MCUB: variants seen among roughly 807,000 people sequenced by gnomAD.
MCUB encodes the protein calcium uniporter regulatory subunit MCUb, mitochondrial.
MCUB carries 46 observed loss-of-function variants against 41.4 expected under a neutral mutation model. The ratio of observed to expected loss-of-function variants is 1.11; its 90% CI spans 0.88 to 1.42. The LOEUF is 1.42. Ranked by LOEUF, MCUB falls within the 40% of genes most tolerant of loss-of-function variation. The pLI, the probability that MCUB is intolerant of heterozygous loss-of-function variation, is 0.00. For synonymous variants in MCUB, 148 were observed against 148.2 expected, an observed-to-expected ratio of 1.00 and a Z score of 0.01; for missense variants, 403 against 404.9, an observed-to-expected ratio of 1.00 and a Z score of 0.04.
Position 109,609,848 on chromosome 4 carries a change from C to T in MCUB, c.100-49163C>T, listed in dbSNP as rs117001403. ...TGGCAAGGCCAGCCAGGCTTCTGTC[C>T]TTCCTTTCAGTGCAGTGAGTTCCCC... On this transcript the variant is annotated intron_variant, in intron 1 of 7. Coordinates refer to ENST00000394650, the MANE Select transcript of MCUB (RefSeq NM_017918.5). Among the ~76,000 whole-genome samples, 606 of 152,316 alleles carry T rather than the reference C, an allele frequency of 4.0e-3. 5 individuals are homozygous for T. Among genetic ancestry groups the T allele is most frequent in the Middle Eastern group, 0.037 (11 of 294 alleles).
chr4:109,679,167 G>A (rs1446215810), intron 4 of MCUB, among the ~76,000 whole-genome samples: 3 of 151,778 alleles, frequency 2.0e-5, no homozygotes, highest in African/African-American at 7.3e-5. Flanking sequence ...TCCCAGACGG[G>A]GCAGCTGGGC....
chr4:109,567,652 AAAGT>A (rs1443102022), intron 1 of MCUB, among the ~76,000 whole-genome samples: 1 of 151,938 alleles, frequency 6.6e-6, no homozygotes, highest in African/African-American at 2.4e-5. Flanking sequence ...AAAAACAAAC[AAAGT>A]GTTTGTTTCC....
intron 1 of MCUB, among the ~76,000 whole-genome samples, chr4:109,574,020 G>A (rs765144320): frequency 5.9e-5 from 9 of 151,486 alleles, no homozygotes; most frequent in Admixed American, 2.6e-4. Context: ...TTACAGGCGC[G>A]CCACCACCAT....
In MCUB at chr4:109,644,977, C is replaced by CA. The variant is rs139191386; in HGVS notation, c.100-14031dup. 2.7e-4 allele frequency among the ~76,000 whole-genome samples: 41 copies of CA among 152,204 alleles called. No individual in the cohort carries two copies. In the East Asian group the frequency reaches 4.4e-3, roughly 16 times the overall value. On this transcript the variant is annotated intron_variant, in intron 1 of 7. Coordinates refer to ENST00000394650, the MANE Select transcript of MCUB (RefSeq NM_017918.5). The stretch of plus-strand genomic sequence containing the variant: ...AGCATATCTTTAGAAGGTTTGGACT[C>CA]AAACAATAACACACACTTCGGCATT...
chr4:109,675,478 G>A (rs1729551930), intron 4 of MCUB, among the ~76,000 whole-genome samples: 1 of 152,170 alleles, frequency 6.6e-6, no homozygotes, highest in African/African-American at 2.4e-5. Flanking sequence ...CACATCATTT[G>A]GATGACAACT....
At chr4:109,580,650 A>G (rs532833372) in intron 1 of MCUB, among the ~76,000 whole-genome samples, 1 of 152,138 alleles carries the variant, frequency 6.6e-6, no homozygotes, top group South Asian at 2.1e-4. Flanking sequence ...GCATTTTTTC[A>G]TGTGTCTGTT....
chr4:109,575,744 T>C (rs115681188), intron 1 of MCUB, among the ~76,000 whole-genome samples: 2,510 of 152,324 alleles, frequency 0.016, 72 homozygotes, highest in African/African-American at 0.057. Flanking sequence ...AGTTATCCCA[T>C]TTATGTAAGG....
At chr4:109,576,703 A>C (rs1727038722) in intron 1 of MCUB, among the ~76,000 whole-genome samples, 1 of 152,236 alleles carries the variant, frequency 6.6e-6, no homozygotes, top group Admixed American at 6.5e-5. Flanking sequence ...AAGTTTATAC[A>C]CAAAGGATGA....
intron 1 of MCUB, among the ~76,000 whole-genome samples, chr4:109,602,127 A>G (rs973130606): frequency 2.0e-5 from 3 of 152,214 alleles, no homozygotes; most frequent in African/African-American, 7.2e-5. Flanking sequence ...ATCCCTTGTC[A>G]GATGGGTAGT....
At chr4:109,597,289 T>C (rs1267727378) in intron 1 of MCUB, among the ~76,000 whole-genome samples, 1 of 151,926 alleles carries the variant, frequency 6.6e-6, no homozygotes, top group Non-Finnish European at 1.5e-5. Context: ...GAGGGGCTCC[T>C]CACTTCCCAG....
chr4:109,669,699 T>G (rs530711244), intron 4 of MCUB, among the ~76,000 whole-genome samples: 32 of 128,306 alleles, frequency 2.5e-4, no homozygotes, highest in African/African-American at 1.0e-3. Context: ...TCTGTTCTGG[T>G]TTTTTTTTTT....
At chr4:109,594,700 G>T (rs1727516009) in intron 1 of MCUB, among the ~76,000 whole-genome samples, 1 of 151,376 alleles carries the variant, frequency 6.6e-6, no homozygotes, top group South Asian at 2.1e-4. Flanking sequence ...ATAATCCCTG[G>T]AGAGAAAGCC....
intron 1 of MCUB, among the ~76,000 whole-genome samples, chr4:109,563,999 C>T (rs1425672002): frequency 6.6e-6 from 1 of 152,166 alleles, no homozygotes; most frequent in African/African-American, 2.4e-5. Context: ...TGGGGTGACC[C>T]TTGCCAGTCT....
chr4:109,619,614 G>A (rs1432413661), intron 1 of MCUB, among the ~76,000 whole-genome samples: 2 of 152,118 alleles, frequency 1.3e-5, no homozygotes, highest in African/African-American at 4.8e-5. Context: ...GGCTGAGGCA[G>A]GAGAATCACT....
At chr4:109,664,866 C>T (rs1437834236) in intron 4 of MCUB, among the ~76,000 whole-genome samples, 1 of 151,838 alleles carries the variant, frequency 6.6e-6, no homozygotes, top group African/African-American at 2.4e-5. Context: ...GCTTAACCGA[C>T]ATTATTGGGT....
At chr4:109,613,244 C>T (rs1728057481) in intron 1 of MCUB, among the ~76,000 whole-genome samples, 1 of 152,192 alleles carries the variant, frequency 6.6e-6, no homozygotes, top group South Asian at 2.1e-4. Flanking sequence ...TATTAATTAT[C>T]TACTATTGCT....
chr4:109,584,346 C>G (rs944150585), intron 1 of MCUB, among the ~76,000 whole-genome samples: 2 of 152,082 alleles, frequency 1.3e-5, no homozygotes, highest in Non-Finnish European at 2.9e-5. Context: ...CTCTCTTCTT[C>G]TTTATTAGTC....
intron 1 of MCUB, among the ~76,000 whole-genome samples, chr4:109,643,705 C>T (rs1202154978): frequency 2.7e-5 from 4 of 150,410 alleles, no homozygotes; most frequent in African/African-American, 2.5e-5. Flanking sequence ...GATTTCACCA[C>T]GTTGGCCAGG....
rs1021859508 is a variant in MCUB at position 109,560,356 on chromosome 4, T to A, written c.19T>A (p.Trp7Arg). The change falls in exon 1 of 8, where the codon TGG becomes AGG. Residue 7 changes from tryptophan (W) to arginine (R), a missense_variant. Physicochemically the swap from Trp to Arg is moderately radical, Grantham distance 101. Coordinates refer to ENST00000394650, the MANE Select transcript of MCUB (RefSeq NM_017918.5). ...CGGGAGGATGCTCCAGAGGGGCCTC[T>A]GGCCGTGGCGCACGCGGCTGCTGCC... MLQRGLWPWRTRLLPTP... is the reference protein window; with the variant it reads MLQRGLRPWRTRLLPTP... The A allele has an allele frequency of 4.6e-6, 6 of 1,315,884 alleles. No homozygotes were observed. The highest frequency in any genetic ancestry group is 1.5e-5 in the African/African-American group (1 of 65,124). The allele number at this position is 1,315,884 out of a possible 1,614,324, so 81.5% of individuals were successfully genotyped here. A position where few individuals can be genotyped will look rare whatever the true frequency, so the allele number is the denominator to read the frequency against.
Sources: allele counts gnomAD v4.1 joint callset (sites outside exome capture counted in the v4.1 genomes callset), GRCh38; gene constraint gnomAD v4.1.1; transcripts MANE v1.5; gene names NCBI Gene and HGNC (gene_info 2026-07-23, HGNC 2026-07-21).